Variants in DNAH12 observed in about 807,000 individuals in gnomAD.
DNAH12 encodes axonemal beta dynein heavy chain 12.
Under a neutral mutation model 371.5 loss-of-function variants are expected in DNAH12, and 285 were observed. That is an observed-to-expected ratio of 0.77 (90% CI 0.70 to 0.85). The LOEUF is 0.85. DNAH12 is among the 40% of genes least tolerant of loss of function. The pLI, the probability that DNAH12 is intolerant of heterozygous loss-of-function variation, is 0.00. For synonymous variants in DNAH12, 1,200 were observed against 1,213.0 expected (o/e 0.99, Z 0.22); for missense variants, 3,611 against 3,689.4 (o/e 0.98, Z 0.55).
At chr3:57,364,052 A>G (rs1316178613) in intron 57 of DNAH12, among the ~76,000 whole-genome samples, 1 of 152,186 alleles carries the variant, frequency 6.6e-6, no homozygotes, top group Non-Finnish European at 1.5e-5. Flanking sequence ...CTGGTATGCA[A>G]GAGTAAGAAC....
At chr3:57,377,377 A>G (rs2063301661) in intron 52 of DNAH12, among the ~76,000 whole-genome samples, 155 bp from the exon 53 acceptor site, 1 of 152,098 alleles carries the variant, frequency 6.6e-6, no homozygotes, top group African/African-American at 2.4e-5. Context: ...ACAAAGTAAA[A>G]TATACCTATA....
upstream of DNAH12, among the ~76,000 whole-genome samples, chr3:57,546,554 G>A (rs909816623): frequency 6.6e-6 from 1 of 152,088 alleles, no homozygotes; most frequent in Non-Finnish European, 1.5e-5. Context: ...TGTTGCACAG[G>A]CTTGCCTCAA....
intron 11 of DNAH12, among the ~76,000 whole-genome samples, chr3:57,492,956 G>A (rs1246078949): frequency 2.0e-5 from 3 of 152,134 alleles, no homozygotes; most frequent in Non-Finnish European, 4.4e-5. Flanking sequence ...AGTGAGTAGG[G>A]ATGGCACCAC....
intron 43 of DNAH12, among the ~76,000 whole-genome samples, chr3:57,399,163 A>G (rs2063804678): frequency 6.6e-6 from 1 of 152,192 alleles, no homozygotes; most frequent in South Asian, 2.1e-4. Context: ...CAAAGAAAAC[A>G]TAGAATATAA....
Position 57,455,411 on chromosome 3 carries a change from A to T in DNAH12, c.3337-517T>A, listed in dbSNP as rs552740966. On this transcript the variant is annotated intron_variant, in intron 22 of 73. Transcript: ENST00000495027. ...AAACCCCCATCTCTACTAAAAATAA[A>T]AAAAAAAAAATAGCTGGGCATGGTG... is the stretch of plus-strand genomic sequence containing the variant. 1.1e-3 allele frequency among the ~76,000 whole-genome samples: 164 copies of T among 151,716 alleles called. 1 individual carries two copies. The highest frequency in any genetic ancestry group is 2.9e-3 in the Admixed American group (44 of 15,220).
chr3:57,311,868 T>C (rs2061590553), intron 66 of DNAH12, among the ~76,000 whole-genome samples: 1 of 152,222 alleles, frequency 6.6e-6, no homozygotes, highest in Non-Finnish European at 1.5e-5. Flanking sequence ...TCTAGTTTCC[T>C]TATTATTGTT....
intron 58 of DNAH12, among the ~76,000 whole-genome samples, chr3:57,360,704 A>T (rs908607344): frequency 2.0e-5 from 3 of 151,112 alleles, no homozygotes; most frequent in African/African-American, 7.3e-5. Context: ...AACAACAACA[A>T]CAACAAGTCC....
chr3:57,424,879 G>C (rs2064713929), intron 35 of DNAH12, 143 bp downstream of exon 35: 1 of 508,808 alleles, frequency 2.0e-6, no homozygotes, highest in Non-Finnish European at 3.5e-6. Context: ...CAGGTGTTAG[G>C]GCAACTTTAG....
intron 43 of DNAH12, among the ~76,000 whole-genome samples, chr3:57,400,009 C>G (rs1333539594): frequency 2.0e-5 from 3 of 152,174 alleles, no homozygotes; most frequent in African/African-American, 7.2e-5. Context: ...TATATGTGGG[C>G]TAAGCACAGT....
At chr3:57,502,591 C>A in intron 9 of DNAH12, 112 bp from the exon 10 acceptor site, 1 of 1,180,428 alleles carries the variant, frequency 8.5e-7, no homozygotes, top group Non-Finnish European at 1.2e-6. Flanking sequence ...GCTCTATCAC[C>A]CAGGTTGGAG....
At chr3:57,314,258 C>A (rs2061640807) in intron 66 of DNAH12, among the ~76,000 whole-genome samples, 1 of 152,078 alleles carries the variant, frequency 6.6e-6, no homozygotes, top group Admixed American at 6.5e-5. Context: ...TCCTTCTGCA[C>A]CTCTTTATTA....
In DNAH12 at chr3:57,419,428, C is replaced by CTATG. The variant is rs747864491; in HGVS notation, c.5649_5652dup (p.Val1885HisfsTer9). The CTATG allele has an allele frequency of 7.2e-5, 108 of 1,506,446 alleles. No homozygotes were observed. Among genetic ancestry groups the CTATG allele is most frequent in the Non-Finnish European group, 9.4e-5 (106 of 1,131,638 alleles). The allele number at this position is 1,506,446 out of a possible 1,614,324, so 93.3% of individuals were successfully genotyped here. ...TATCTAATTGTGTCCATCGTAGGGA[C>CTATG]TATGATATCTTGAATCTTGATTTGT... On this transcript the variant is annotated frameshift_variant, in exon 37 of 74. Transcript: ENST00000495027. LOFTEE classifies it high-confidence loss of function.
At chr3:57,372,729 T>C (rs934217108) in intron 55 of DNAH12, among the ~76,000 whole-genome samples, 5 of 150,124 alleles carry the variant, frequency 3.3e-5, no homozygotes, top group Non-Finnish European at 5.9e-5. Flanking sequence ...AATGTGGACA[T>C]AAAATGGAAT....
intron 69 of DNAH12, among the ~76,000 whole-genome samples, chr3:57,305,912 C>G (rs2061459750): frequency 6.6e-6 from 1 of 152,202 alleles, no homozygotes; most frequent in Non-Finnish European, 1.5e-5. Context: ...AACCGCAGCA[C>G]CGAGGCTTTC....
intron 62 of DNAH12, among the ~76,000 whole-genome samples, chr3:57,328,885 AC>A (rs1490229195): frequency 2.3e-5 from 3 of 130,758 alleles, no homozygotes; most frequent in Admixed American, 7.9e-5. Context: ...AAATCAATGT[AC>A]AAAAATCACA....
chr3:57,440,415 C>T (rs1235596642), intron 29 of DNAH12, among the ~76,000 whole-genome samples: 1 of 152,138 alleles, frequency 6.6e-6, no homozygotes, highest in Non-Finnish European at 1.5e-5. Flanking sequence ...TAAGCAAATT[C>T]ACACAGGAAC....
At chr3:57,498,459 G>A in intron 11 of DNAH12, 1 of 709,714 alleles carries the variant, frequency 1.4e-6, no homozygotes, top group Middle Eastern at 2.3e-4. Flanking sequence ...TGAGACTACA[G>A]GTGCAAGCTA....
chr3:57,459,153 C>T (rs955545285), intron 20 of DNAH12, among the ~76,000 whole-genome samples: 11 of 152,152 alleles, frequency 7.2e-5, no homozygotes, highest in Admixed American at 2.0e-4. Flanking sequence ...CTGAGTGAGA[C>T]CAATGGAGAG....
intron 29 of DNAH12, among the ~76,000 whole-genome samples, chr3:57,439,742 A>G (rs1456130558): frequency 1.4e-5 from 2 of 148,076 alleles, no homozygotes; most frequent in Non-Finnish European, 1.5e-5. Flanking sequence ...ATCAACAGAA[A>G]AAACAACAAC....
Sources: allele counts gnomAD v4.1 joint callset (sites outside exome capture counted in the v4.1 genomes callset), GRCh38; gene constraint gnomAD v4.1.1; transcripts MANE v1.5; gene names NCBI Gene and HGNC (gene_info 2026-07-23, HGNC 2026-07-21).